Variants in PCDHGA2 observed in about 807,000 individuals in gnomAD.
The protein encoded by PCDHGA2 is protocadherin gamma subfamily A, 2, also known as protocadherin gamma-A2.
Under a neutral mutation model 59.2 loss-of-function variants are expected in PCDHGA2, and 40 were observed. The observed-to-expected ratio is 0.68, with a 90% CI of 0.52 to 0.88. PCDHGA2 has a LOEUF of 0.88. Ranked by LOEUF, PCDHGA2 falls within the 40% of genes least tolerant of loss-of-function variation. The pLI, the probability that PCDHGA2 is intolerant of heterozygous loss-of-function variation, is 0.00. For missense variants in PCDHGA2, 1,226 were observed against 1,204.0 expected (o/e 1.02, Z -0.27); for synonymous variants, 560 against 526.0 (o/e 1.06, Z -0.89).
chr5:141,468,505 C>A (rs1293623271), intron 1 of PCDHGA2: 1 of 152,020 alleles, frequency 6.6e-6, no homozygotes, highest in East Asian at 1.9e-4. Context: ...TTCATGTGGA[C>A]AAATTTAGTA....
At chr5:141,462,100 G>T (rs1202526885) in intron 1 of PCDHGA2, among the ~76,000 whole-genome samples, 1 of 152,164 alleles carries the variant, frequency 6.6e-6, no homozygotes, top group Non-Finnish European at 1.5e-5. Flanking sequence ...TGGGATTACA[G>T]GCATGAGCCA....
intron 1 of PCDHGA2, chr5:141,388,512 T>G (rs1342946669): frequency 1.2e-6 from 2 of 1,613,846 alleles, no homozygotes; most frequent in Non-Finnish European, 1.7e-6. Flanking sequence ...ATCCTACCAC[T>G]TGACTTTGAC....
chr5:141,432,538 G>C lies in PCDHGA2; in HGVS notation c.2425-62269G>C, dbSNP rs200601557. The C allele has an allele frequency of 2.5e-5, 40 of 1,614,026 alleles. No individual in the cohort carries two copies. The highest frequency in any genetic ancestry group is 1.5e-4 in the Admixed American group (9 of 60,032). On this transcript the variant is annotated intron_variant, in intron 1 of 3. Coordinates refer to ENST00000394576, the MANE Select transcript of PCDHGA2 (RefSeq NM_018915.4). This position sits in a 1 kb window ranked among gnomAD's most constrained non-coding sequence, Gnocchi z 6.0. ...GCTACCTGGTGACCAAGGTGGTGGC[G>C]GTGGACAGAGACTCCGGCCAGAACG...
intron 1 of PCDHGA2, among the ~76,000 whole-genome samples, chr5:141,443,369 C>T (rs1403494558): frequency 6.6e-6 from 1 of 151,848 alleles, no homozygotes; most frequent in African/African-American, 2.4e-5. Context: ...CCTGTGGTCT[C>T]AGCTACTTGG....
At chr5:141,444,473 G>C (rs943971075) in intron 1 of PCDHGA2, among the ~76,000 whole-genome samples, 6 of 151,972 alleles carry the variant, frequency 3.9e-5, no homozygotes, top group South Asian at 2.1e-4. Flanking sequence ...GCCCGGTCGC[G>C]TACTGGATTT....
chr5:141,372,349 A>G lies in PCDHGA2; in HGVS notation c.2424+30954A>G, dbSNP rs373267938. ...GTCACTGTGCGTGATGGAGGACAGCAGCCTCTTTCAGCCACCGTCATGCTG... is the reference window on the plus strand; with the variant it reads ...GTCACTGTGCGTGATGGAGGACAGCGGCCTCTTTCAGCCACCGTCATGCTG... On this transcript the variant is annotated intron_variant, in intron 1 of 3. Transcript: ENST00000394576. 1.1e-5 allele frequency: 18 copies of G among 1,613,786 alleles called. No individual in the cohort carries two copies. The African/African-American group carries it at 2.4e-4, about 22-fold the overall frequency.
At chr5:141,409,429 C>T (rs767514268) in intron 1 of PCDHGA2, 3 of 1,613,872 alleles carry the variant, frequency 1.9e-6, no homozygotes, top group African/African-American at 1.3e-5. Flanking sequence ...CAGATGGAGC[C>T]CTGGACCGAG....
intron 1 of PCDHGA2, chr5:141,366,804 T>TTC: frequency 9.6e-6 from 15 of 1,561,826 alleles, no homozygotes; most frequent in Non-Finnish European, 1.3e-5. Flanking sequence ...TTGTTTCCTT[T>TTC]TTCATGTTTC....
intron 2 of PCDHGA2, among the ~76,000 whole-genome samples, chr5:141,500,948 A>G (rs1055841985): frequency 1.8e-4 from 28 of 151,592 alleles, no homozygotes; most frequent in Non-Finnish European, 4.4e-5. Context: ...GGCTCACTGC[A>G]AGCTCCACCT....
chr5:141,345,044 T>C lies in PCDHGA2; in HGVS notation c.2424+3649T>C, dbSNP rs1757511467. On this transcript the variant is annotated intron_variant, in intron 1 of 3. Transcript: ENST00000394576. ...CAAGAGCCAAGATTCTAGTCACGGT[T>C]CTGGATGTGAATGACAATGCTCCAG... 3.7e-6 allele frequency: 6 copies of C among 1,613,730 alleles called. No homozygotes were observed. In the East Asian group the frequency reaches 1.3e-4, roughly 36 times the overall value.
rs762200805 is a variant in PCDHGA2 at position 141,423,045 on chromosome 5, C to T, written c.2425-71762C>T. 8 of 1,614,210 alleles carry T rather than the reference C, an allele frequency of 5.0e-6. No homozygotes were observed. The East Asian group carries it at 1.8e-4, about 36-fold the overall frequency. ...ATTCAGGCCAGAACGCCTGGCTGTCCTATCGCCTGCTTAAGGCCAGCGAGC... is the reference window on the plus strand; with the variant it reads ...ATTCAGGCCAGAACGCCTGGCTGTCTTATCGCCTGCTTAAGGCCAGCGAGC... On this transcript the variant is annotated intron_variant, in intron 1 of 3. Transcript: ENST00000394576.
In PCDHGA2 at chr5:141,476,101, A is replaced by G; in HGVS notation, c.2425-18706A>G. The G allele has an allele frequency of 6.3e-7, 1 of 1,576,386 alleles. No individual in the cohort carries two copies. Among genetic ancestry groups the G allele is most frequent in the East Asian group, 2.2e-5 (1 of 44,540 alleles). On this transcript the variant is annotated intron_variant, in intron 1 of 3. Coordinates refer to ENST00000394576, the MANE Select transcript of PCDHGA2 (RefSeq NM_018915.4). This position sits in a 1 kb window ranked among gnomAD's most constrained non-coding sequence, Gnocchi z 7.6. ...GACGATCTGGACCCCGCTGAGAGGA[A>G]CTGCTTTTGAGTGAGATGGTCCCAG... is the stretch of plus-strand genomic sequence containing the variant.
chr5:141,399,460 G>T (rs1465606526), intron 1 of PCDHGA2: 1 of 1,613,962 alleles, frequency 6.2e-7, no homozygotes, highest in Middle Eastern at 1.6e-4. Flanking sequence ...CAACGATAAC[G>T]CTCCGGTTTT....
At chr5:141,452,792 A>AT (rs745523252) in intron 1 of PCDHGA2, among the ~76,000 whole-genome samples, 15 of 152,178 alleles carry the variant, frequency 9.9e-5, no homozygotes, top group Admixed American at 2.0e-4. Context: ...ACATACCATC[A>AT]TTTTTGCTGT....
Position 141,414,286 on chromosome 5 carries a change from G to A in PCDHGA2, c.2424+72891G>A, listed in dbSNP as rs2095728607. ...AGATTCACCTCTGGGAACAGTCGTA[G>A]CCCTTTTAAATGTGCATGATTTAGA... On this transcript the variant is annotated intron_variant, in intron 1 of 3. Coordinates refer to ENST00000394576, the MANE Select transcript of PCDHGA2 (RefSeq NM_018915.4). 1.9e-6 allele frequency: 3 copies of A among 1,613,586 alleles called. No individual in the cohort carries two copies. The highest frequency in any genetic ancestry group is 2.5e-6 in the Non-Finnish European group (3 of 1,179,770).
intron 1 of PCDHGA2, chr5:141,405,384 CA>C: frequency 1.9e-6 from 3 of 1,600,664 alleles, no homozygotes; most frequent in Non-Finnish European, 2.6e-6. Context: ...CCGGTGAGTT[CA>C]TTTTTTTTCT....
chr5:141,416,178 C>G (rs1392436592), intron 1 of PCDHGA2: 3 of 152,408 alleles, frequency 2.0e-5, no homozygotes, highest in African/African-American at 2.4e-5. Context: ...CTAAGTTTTT[C>G]ATTAATATTG....
intron 1 of PCDHGA2, chr5:141,351,286 G>A (rs975525933): frequency 6.2e-7 from 1 of 1,613,760 alleles, no homozygotes; most frequent in South Asian, 1.1e-5. Flanking sequence ...ATGCCCCAGA[G>A]GTGACATTCA....
At chr5:141,413,295 T>C in intron 1 of PCDHGA2, 1 of 1,613,940 alleles carries the variant, frequency 6.2e-7, no homozygotes, top group Middle Eastern at 1.7e-4. Context: ...ACTCAATTCC[T>C]GAGGAATTAG....
Sources: allele counts gnomAD v4.1 joint callset (sites outside exome capture counted in the v4.1 genomes callset), GRCh38; gene constraint gnomAD v4.1.1; non-coding constraint Gnocchi (gnomAD v3.1); transcripts MANE v1.5; gene names NCBI Gene and HGNC (gene_info 2026-07-23, HGNC 2026-07-21).